Variants in TMEM41A observed in about 807,000 individuals in gnomAD.
The protein encoded by TMEM41A is transmembrane protein 41A.
In TMEM41A, 20 loss-of-function variants were observed where a neutral mutation model predicts 25.7. That is an observed-to-expected ratio of 0.78 (90% CI 0.55 to 1.13). The LOEUF (loss-of-function observed/expected upper bound fraction) is 1.13, where lower values mean the gene tolerates loss of function less well. TMEM41A is among the 50% of genes most tolerant of loss of function. TMEM41A has a pLI of 0.00. For synonymous variants in TMEM41A, 133 were observed against 139.6 expected (o/e 0.95, Z 0.33); for missense variants, 299 against 314.3 (o/e 0.95, Z 0.37).
Position 185,494,653 on chromosome 3 carries a change from T to A in TMEM41A, c.544A>T (p.Ile182Phe), listed in dbSNP as rs1478916903. Reference sequence around the variant, plus strand: ...AGAACTGAGAAGAAGAACTGCACGATGGGAATGTTCAGAATTGGGGCCGAG... The same window carrying A: ...AGAACTGAGAAGAAGAACTGCACGAAGGGAATGTTCAGAATTGGGGCCGAG... ...NLSAPILNIPIVQFFFSVLIG... is the reference protein window; with the variant it reads ...NLSAPILNIPFVQFFFSVLIG... The change falls in exon 4 of 5, where the codon ATC becomes TTC. Residue 182 changes from isoleucine (I) to phenylalanine (F), a missense_variant. Coordinates refer to ENST00000421852, the MANE Select transcript of TMEM41A (RefSeq NM_080652.4). 6.2e-7 allele frequency: 1 copy of A among 1,610,714 alleles called. No homozygotes were observed. The highest frequency in any genetic ancestry group is 1.1e-5 in the South Asian group (1 of 90,108).
Position 185,496,973 on chromosome 3 carries a change from C to G in TMEM41A, c.128G>C (p.Trp43Ser). 2 of 1,595,160 alleles carry G rather than the reference C, an allele frequency of 1.3e-6. No homozygotes were observed. Among genetic ancestry groups the G allele is most frequent in the Non-Finnish European group, 1.7e-6 (2 of 1,172,342 alleles). The stretch of plus-strand genomic sequence containing the variant: ...CAGCTCTGCCAGGTCGGAGGGGAAC[C>G]ACAGCGACCTGGGGATTTGGAAAAG... ...STEEAGGRSLWFPSDLAELRE... is the reference protein window; with the variant it reads ...STEEAGGRSLSFPSDLAELRE... The change falls in exon 2 of 5, where the codon TGG becomes TCG. Residue 43 changes from tryptophan to serine, a missense_variant. Trp to Ser is a radical substitution (Grantham distance 177, BLOSUM62 -3). Coordinates refer to ENST00000421852, the MANE Select transcript of TMEM41A (RefSeq NM_080652.4).
At position 185,491,745 on chromosome 3, in the gene TMEM41A, T is replaced by C. The variant is rs759994486; in HGVS notation, c.587A>G (p.Tyr196Cys). Residue 196 changes from tyrosine (Y) to cysteine (C), a missense_variant, in exon 5 of 5, where the codon TAT becomes TGT. By Grantham distance (194) the Tyr-to-Cys change is radical (BLOSUM62 -2). Coordinates refer to ENST00000421852, the MANE Select transcript of TMEM41A (RefSeq NM_080652.4). ...CCCTGTCTGCACACAGATGAAATTA[T>C]ATGGGATCAAACCTGGAAGAAGAAA... ...FFSVLIGLIP[Y>C]NFICVQTGSI... 8 of 1,611,064 alleles carry C rather than the reference T, an allele frequency of 5.0e-6. No homozygotes were observed. In the African/African-American group the frequency reaches 5.3e-5, roughly 11 times the overall value.
chr3:185,494,592 A>G, intron 4 of TMEM41A, 31 bp downstream of exon 4: 1 of 1,554,770 alleles, frequency 6.4e-7, no homozygotes, highest in Non-Finnish European at 8.7e-7. Flanking sequence ...GACAGCTCTG[A>G]AGACTCAAAC....
In TMEM41A at chr3:185,491,638, C is replaced by A. The variant is rs1718954955; in HGVS notation, c.694G>T (p.Ala232Ser). ...TTAATGAGGGTTCCAGGAATTAATGCCACCATGGCAATGGCCAACAGCTTA... is the reference window on the plus strand; with the variant it reads ...TTAATGAGGGTTCCAGGAATTAATGACACCATGGCAATGGCCAACAGCTTA... The part of the protein sequence containing the change: ...VFKLLAIAMV[A>S]LIPGTLIKKF... The change falls in exon 5 of 5, where the codon GCA becomes TCA. Residue 232 changes from alanine (A) to serine (S), a missense_variant. Physicochemically the swap from Ala to Ser is moderately conservative, Grantham distance 99 (BLOSUM62 1). Transcript: ENST00000421852. The A allele has an allele frequency of 7.4e-6, 12 of 1,614,040 alleles. No individual in the cohort carries two copies. Among genetic ancestry groups the A allele is most frequent in the African/African-American group, 1.3e-5 (1 of 74,906 alleles).
At chr3:185,491,810 AAAT>A in intron 4 of TMEM41A, 53 bp from the exon 5 acceptor site, 1 of 1,395,180 alleles carries the variant, frequency 7.2e-7, no homozygotes, top group South Asian at 1.3e-5. Context: ...AAAATTAAGA[AAAT>A]AATAATTCAG....
intron 3 of TMEM41A, 45 bp downstream of exon 3, chr3:185,495,109 C>T (rs191421646): frequency 2.1e-5 from 33 of 1,605,790 alleles, no homozygotes; most frequent in African/African-American, 2.0e-4. Context: ...ATGCACGTAG[C>T]GACTGTCTGG....
chr3:185,495,521 T>G (rs1719078339), intron 2 of TMEM41A: 1 of 585,360 alleles, frequency 1.7e-6, no homozygotes, highest in Non-Finnish European at 3.0e-6. Context: ...GCTCACTGCA[T>G]CCTCGAACTC....
Position 185,494,769 on chromosome 3 carries a change from CA to C in TMEM41A, c.436-9del, listed in dbSNP as rs754752223. 2.5e-6 allele frequency: 4 copies of C among 1,595,644 alleles called. No homozygotes were observed. Among genetic ancestry groups the C allele is most frequent in the Non-Finnish European group, 2.6e-6 (3 of 1,173,902 alleles). On this transcript the variant is annotated splice_polypyrimidine_tract_variant and intron_variant, in intron 3 of 4. Transcript: ENST00000421852. ...GTTTCTGTTCTCCTCCACCTGTAGC[CA>C]AAGAGAAGAAAGCTGTTAAGAAGCA...
chr3:185,498,265 A>AG (rs1281432090), intron 1 of TMEM41A: 6 of 149,952 alleles, frequency 4.0e-5, no homozygotes, highest in Admixed American at 6.6e-5. Context: ...ACTCCGTCTC[A>AG]GAAAAAAAAA....
Position 185,494,709 on chromosome 3 carries a change from A to G in TMEM41A, c.488T>C (p.Phe163Ser), listed in dbSNP as rs1719050379. Residue 163 changes from phenylalanine to serine, a missense_variant, in exon 4 of 5, where the codon TTC becomes TCC. Physicochemically the swap from Phe to Ser is radical, Grantham distance 155. Coordinates refer to ENST00000421852, the MANE Select transcript of TMEM41A (RefSeq NM_080652.4). ...LFFFLLFLRL[F>S]PMTPNWFLNL... ...CAAGAACCAGTTTGGTGTCATGGGG[A>G]AAAGTCTCAAAAACAATAAGAAAAA... 6.2e-7 allele frequency: 1 copy of G among 1,612,746 alleles called. No homozygotes were observed. Among genetic ancestry groups the G allele is most frequent in the African/African-American group, 1.3e-5 (1 of 74,862 alleles).
At chr3:185,492,065 G>C (rs1718973911) in intron 4 of TMEM41A, among the ~76,000 whole-genome samples, 1 of 152,152 alleles carries the variant, frequency 6.6e-6, no homozygotes, top group African/African-American at 2.4e-5. Flanking sequence ...CAGCACTTTG[G>C]GAGGCCGAGG....
At position 185,490,467 on chromosome 3, in the gene TMEM41A, T is replaced by C. The variant is rs1325978753; in HGVS notation, c.*1070A>G. On this transcript the variant is annotated 3_prime_UTR_variant, in exon 5 of 5. Coordinates refer to ENST00000421852, the MANE Select transcript of TMEM41A (RefSeq NM_080652.4). ...AGTCAAGGGCCCTGCCCCATCCAGA[T>C]GGGTAAGAATTTCTCCAGAACATAT... The C allele has an allele frequency of 1.3e-5, 2 of 152,156 alleles. No homozygotes were observed. Among genetic ancestry groups the C allele is most frequent in the East Asian group, 1.9e-4 (1 of 5,194 alleles). 9.4% of individuals were successfully genotyped at this position (152,156 alleles called of 1,614,324 possible).
At chr3:185,496,389 G>A in intron 2 of TMEM41A, 1 of 254,134 alleles carries the variant, frequency 3.9e-6, no homozygotes, top group African/African-American at 2.2e-5. Flanking sequence ...TCACCCTCAG[G>A]TCTGGATGTG....
rs1354920338 is a variant in TMEM41A at position 185,490,087 on chromosome 3, G to C, written c.*1450C>G. On this transcript the variant is annotated 3_prime_UTR_variant, in exon 5 of 5. Transcript: ENST00000421852. Reference sequence around the variant, plus strand: ...TGGTAAGTCCTGATGAGTTACTCCTGTGGGGTGCAGGATCACAGGGCTGGT... The same window carrying C: ...TGGTAAGTCCTGATGAGTTACTCCTCTGGGGTGCAGGATCACAGGGCTGGT... 6.6e-6 allele frequency: 1 copy of C among 152,222 alleles called. No individual in the cohort carries two copies. Among genetic ancestry groups the C allele is most frequent in the Non-Finnish European group, 1.5e-5 (1 of 68,060 alleles). The allele number at this position is 152,222 out of a possible 1,614,324, so 9.4% of individuals were successfully genotyped here.
rs144938011 is a variant in TMEM41A, at chr3:185,491,628, G to A, written c.704C>T (p.Pro235Leu). Residue 235 changes from proline (P) to leucine (L), a missense_variant, in exon 5 of 5, where the codon CCT becomes CTT. Transcript: ENST00000421852. ...LLAIAMVALI[P>L]GTLIKKFSQK... ...ACTAAATTTTTTAATGAGGGTTCCA[G>A]GAATTAATGCCACCATGGCAATGGC... 110 of 1,614,204 alleles carry A rather than the reference G, an allele frequency of 6.8e-5. No homozygotes were observed. In the African/African-American group the frequency reaches 1.4e-3, roughly 20 times the overall value.
At chr3:185,494,876 C>A in intron 3 of TMEM41A, 115 bp from the exon 4 acceptor site, 2 of 1,273,152 alleles carry the variant, frequency 1.6e-6, no homozygotes, top group Non-Finnish European at 1.1e-6. Flanking sequence ...CCAATTCTTC[C>A]AACAACCCTC....
At chr3:185,494,986 G>A (rs897671916) in intron 3 of TMEM41A, 168 bp downstream of exon 3, 2 of 967,820 alleles carry the variant, frequency 2.1e-6, no homozygotes, top group African/African-American at 3.3e-5. Flanking sequence ...ATGGAGCTGG[G>A]ATTTGATCCC....
rs1272624257 is a variant in TMEM41A at position 185,495,357 on chromosome 3, G to T, written c.274-42C>A. ...CCCTCAGGCATGTGAACATCTGGCA[G>T]CTACCAGGCACGTCATCTTGGAGCC... On this transcript the variant is annotated intron_variant, in intron 2 of 4. Coordinates refer to ENST00000421852, the MANE Select transcript of TMEM41A (RefSeq NM_080652.4). 1.9e-6 allele frequency: 3 copies of T among 1,589,912 alleles called. No homozygotes were observed. In the African/African-American group the frequency reaches 4.0e-5, roughly 21 times the overall value.
rs1718937026 is a variant in TMEM41A, at chr3:185,491,125, G to C, written c.*412C>G. 5.9e-6 allele frequency: 1 copy of C among 168,996 alleles called. No homozygotes were observed. The highest frequency in any genetic ancestry group is 2.9e-3 in the Middle Eastern group (1 of 340). 10.5% of individuals were successfully genotyped at this position (168,996 alleles called of 1,614,324 possible). A position where few individuals can be genotyped will look rare whatever the true frequency, so the allele number is the denominator to read the frequency against. ...CAATTCTCCTGCCTCAGCCTCCCGA[G>C]TAGCTGGGATTACAGGTGCCTGCCA... On this transcript the variant is annotated 3_prime_UTR_variant, in exon 5 of 5. Coordinates refer to ENST00000421852, the MANE Select transcript of TMEM41A (RefSeq NM_080652.4).
Sources: allele counts gnomAD v4.1 joint callset (sites outside exome capture counted in the v4.1 genomes callset), GRCh38; gene constraint gnomAD v4.1.1; transcripts MANE v1.5; gene names NCBI Gene and HGNC (gene_info 2026-07-23, HGNC 2026-07-21).